The following FBXO31 variants were observed in gnomAD, a reference collection of about 807,000 sequenced individuals.
The protein encoded by FBXO31 is F-box protein 31, also known as F-box only protein 31.
A neutral mutation model predicts 54.4 loss-of-function variants in FBXO31; 24 were observed. The observed-to-expected ratio is 0.44, with a 90% CI of 0.32 to 0.62. The LOEUF is 0.62. Ranked by LOEUF, FBXO31 falls within the 20% of genes least tolerant of loss-of-function variation. The pLI is 0.05. For missense variants in FBXO31, 665 were observed against 787.1 expected, an observed-to-expected ratio of 0.84 and a Z score of 1.86; for synonymous variants, 388 against 335.6, an observed-to-expected ratio of 1.16 and a Z score of -1.71.
chr16:87,332,327 A>G (rs1904887023), intron 8 of FBXO31, among the ~76,000 whole-genome samples: 1 of 152,124 alleles, frequency 6.6e-6, no homozygotes, highest in Non-Finnish European at 1.5e-5. Context: ...AGGGCCCGGG[A>G]GCCCCCATAT....
At chr16:87,389,632 TATC>T (rs1907450580) in intron 1 of FBXO31, 9 of 152,204 alleles carry the variant, frequency 5.9e-5, no homozygotes. Context: ...CAATACTTAA[TATC>T]ATAAAAATCC....
At chr16:87,383,829 G>A, upstream of FBXO31, 3 of 983,446 alleles carry the variant, frequency 3.1e-6, no homozygotes, top group Non-Finnish European at 3.8e-6. The surrounding 1 kb of genome is among the most constrained non-coding windows in gnomAD (Gnocchi z 4.9). Flanking sequence ...CGCCCCCGCC[G>A]CAGAGCTCGC....
chr16:87,370,993 C>T (rs555085244), intron 1 of FBXO31, among the ~76,000 whole-genome samples: 4 of 152,302 alleles, frequency 2.6e-5, no homozygotes, highest in South Asian at 2.1e-4. Context: ...GCCCCAACTG[C>T]GGCCCGGCAC....
At chr16:87,390,563 C>A (rs891367766), upstream of FBXO31, among the ~76,000 whole-genome samples, 2 of 151,614 alleles carry the variant, frequency 1.3e-5, no homozygotes, top group Admixed American at 6.6e-5. Flanking sequence ...GCCTCAGCCT[C>A]CCGAGTAGCT....
chr16:87,390,748 A>G (rs1039867617), upstream of FBXO31, among the ~76,000 whole-genome samples: 2 of 151,926 alleles, frequency 1.3e-5, no homozygotes, highest in Admixed American at 6.6e-5. Flanking sequence ...CGCGAGAAAT[A>G]TATTTTCATA....
At chr16:87,361,409 G>A (rs1906127115) in intron 1 of FBXO31, among the ~76,000 whole-genome samples, 1 of 152,208 alleles carries the variant, frequency 6.6e-6, no homozygotes, top group Non-Finnish European at 1.5e-5. Context: ...GAGACGGGAC[G>A]AGGTGGCTGG....
intron 2 of FBXO31, among the ~76,000 whole-genome samples, chr16:87,348,826 G>A (rs1267668436): frequency 1.3e-5 from 2 of 152,240 alleles, no homozygotes; most frequent in South Asian, 2.1e-4. Context: ...CAGGCCTGGC[G>A]CCTGTGTACC....
chr16:87,343,453 A>C (rs183764393), intron 4 of FBXO31, 145 bp downstream of exon 4: 4 of 981,488 alleles, frequency 4.1e-6, no homozygotes, highest in Non-Finnish European at 5.9e-6. Flanking sequence ...TAAACAATGC[A>C]CAGCAGGGCA....
At chr16:87,349,910 A>G (rs2039354659) in intron 2 of FBXO31, among the ~76,000 whole-genome samples, 1 of 68,968 alleles carries the variant, frequency 1.4e-5, no homozygotes, top group African/African-American at 3.2e-5. Flanking sequence ...CCCTATCTCA[A>G]AAAAAAAAAA....
rs190396908 is a variant in FBXO31, at chr16:87,344,753, A to C, written c.490-988T>G. On this transcript the variant is annotated intron_variant, in intron 3 of 8. Coordinates refer to ENST00000311635, the MANE Select transcript of FBXO31 (RefSeq NM_024735.5). ...CTGTGAGCTGCCGGGCTGGTCTCTC[A>C]GAGGAAACATCCTAAAAGCAAGGCT... 3.3e-3 allele frequency among the ~76,000 whole-genome samples: 500 copies of C among 152,332 alleles called. 14 individuals are homozygous for C. The highest frequency in any genetic ancestry group is 2.1e-3 in the East Asian group (11 of 5,188).
At chr16:87,384,195 C>G (rs1173896603), upstream of FBXO31, 3 of 152,650 alleles carry the variant, frequency 2.0e-5, no homozygotes, top group African/African-American at 4.8e-5. Flanking sequence ...CCGCGCCGGC[C>G]GGTGAGTAGA....
At chr16:87,388,067 A>G (rs958186941), upstream of FBXO31, among the ~76,000 whole-genome samples, 2 of 152,242 alleles carry the variant, frequency 1.3e-5, no homozygotes, top group African/African-American at 4.8e-5. Context: ...GAATTTGTTT[A>G]GAATTAAACA....
At chr16:87,339,101 T>C (rs909172058) in intron 5 of FBXO31, among the ~76,000 whole-genome samples, 3 of 152,184 alleles carry the variant, frequency 2.0e-5, no homozygotes, top group African/African-American at 7.2e-5. Context: ...CTCTTTCCCT[T>C]ATAAATTACC....
At chr16:87,382,398 T>C (rs913680908) in intron 1 of FBXO31, among the ~76,000 whole-genome samples, 2 of 152,336 alleles carry the variant, frequency 1.3e-5, no homozygotes, top group Admixed American at 1.3e-4. Context: ...GCTTGGATGT[T>C]TTCTAACCTG....
intron 1 of FBXO31, among the ~76,000 whole-genome samples, chr16:87,377,788 C>G (rs2150697290): frequency 1.3e-5 from 2 of 150,946 alleles, no homozygotes; most frequent in South Asian, 4.2e-4. Context: ...GTGACTGCAC[C>G]ACTACACTCT....
chr16:87,381,124 A>G (rs894669038), intron 1 of FBXO31, among the ~76,000 whole-genome samples: 3 of 152,220 alleles, frequency 2.0e-5, no homozygotes, highest in African/African-American at 7.2e-5. Flanking sequence ...CTTCACAGGG[A>G]AAGAGAAAGT....
chr16:87,358,951 G>A lies in FBXO31; in HGVS notation c.412+1344C>T, dbSNP rs796789618. On this transcript the variant is annotated intron_variant, in intron 2 of 8. Transcript: ENST00000311635. The surrounding 1 kb of genome is among the most constrained non-coding windows in gnomAD (Gnocchi z 4.0). ...CAGCCTGCTAACTCAGGCCAGCCTC[G>A]TCACAGGTCATCCAAGGTTGCCCAA... is the stretch of plus-strand genomic sequence containing the variant. Among the ~76,000 whole-genome samples the A allele has an allele frequency of 1.1e-4, 17 of 152,238 alleles. No homozygotes were observed. Among genetic ancestry groups the A allele is most frequent in the South Asian group, 4.1e-4 (2 of 4,826 alleles).
chr16:87,356,159 G>A (rs1905881343), intron 2 of FBXO31, among the ~76,000 whole-genome samples: 1 of 151,274 alleles, frequency 6.6e-6, no homozygotes, highest in Non-Finnish European at 1.5e-5. Context: ...AACCCGGGAG[G>A]CAGAGGCTGT....
At chr16:87,334,913 G>A (rs565162797) in intron 7 of FBXO31, among the ~76,000 whole-genome samples, 1 of 152,226 alleles carries the variant, frequency 6.6e-6, no homozygotes, top group Admixed American at 6.5e-5. Flanking sequence ...GGTGGGAGCT[G>A]TCTGCAAGCA....
Sources: allele counts gnomAD v4.1 joint callset (sites outside exome capture counted in the v4.1 genomes callset), GRCh38; gene constraint gnomAD v4.1.1; non-coding constraint Gnocchi (gnomAD v3.1); transcripts MANE v1.5; gene names NCBI Gene and HGNC (gene_info 2026-07-23, HGNC 2026-07-21).